Variants in SPTSSB observed in about 807,000 individuals in gnomAD.
SPTSSB encodes serine palmitoyltransferase small subunit B, also known as androgen down regulated in mouse prostate.
A neutral mutation model predicts 7.7 loss-of-function variants in SPTSSB; 6 were observed. That is an observed-to-expected ratio of 0.78 (90% CI 0.43 to 1.54). The LOEUF (loss-of-function observed/expected upper bound fraction) is 1.54, where lower values mean the gene tolerates loss of function less well. Among genes scored for constraint, SPTSSB ranks in the 40% most tolerant of loss-of-function variants. The pLI is 0.01. For missense variants in SPTSSB, 91 were observed against 93.0 expected (o/e 0.98, Z 0.09); for synonymous variants, 28 against 29.7 (o/e 0.94, Z 0.19).
At chr3:161,364,286 G>A (rs928914507) in intron 1 of SPTSSB, among the ~76,000 whole-genome samples, 1 of 152,154 alleles carries the variant, frequency 6.6e-6, no homozygotes, top group Non-Finnish European at 1.5e-5. Flanking sequence ...GGCATCACAT[G>A]CTTTCCTTCA....
intron 1 of SPTSSB, among the ~76,000 whole-genome samples, chr3:161,364,202 G>C (rs139922840): frequency 1.2e-4 from 19 of 152,110 alleles, no homozygotes; most frequent in African/African-American, 4.1e-4. Flanking sequence ...ATAATTTTGA[G>C]ACCAAAGGAA....
At chr3:161,354,937 G>A (rs873183) in intron 2 of SPTSSB, among the ~76,000 whole-genome samples, 7,145 of 152,256 alleles carry the variant, frequency 0.047, 244 homozygotes, top group African/African-American at 0.09. Flanking sequence ...TCTCAGTATT[G>A]TGTGGCTATC....
chr3:161,346,990 G>A (rs935980248), intron 2 of SPTSSB, among the ~76,000 whole-genome samples: 3 of 152,172 alleles, frequency 2.0e-5, no homozygotes, highest in African/African-American at 4.8e-5. Flanking sequence ...CAACCTCTGA[G>A]TTAGGGCAAT....
chr3:161,369,050 A>G (rs1367197023), intron 1 of SPTSSB, among the ~76,000 whole-genome samples: 2 of 152,220 alleles, frequency 1.3e-5, no homozygotes, highest in Non-Finnish European at 2.9e-5. Flanking sequence ...TTGAACGGAC[A>G]TAAGTTTTCA....
intron 1 of SPTSSB, 22 bp from the exon 2 acceptor site, chr3:161,359,916 T>A: frequency 7.3e-6 from 3 of 412,858 alleles, no homozygotes; most frequent in Non-Finnish European, 6.5e-6. Context: ...AGATTTGAAT[T>A]AAATAAACCA....
chr3:161,355,377 T>C (rs114800943), intron 2 of SPTSSB, among the ~76,000 whole-genome samples: 2,189 of 152,264 alleles, frequency 0.014, 59 homozygotes, highest in African/African-American at 0.05. Context: ...CCAAAAGTTG[T>C]TTTCTAAGTC....
intron 1 of SPTSSB, among the ~76,000 whole-genome samples, chr3:161,361,650 T>C (rs931646591): frequency 2.6e-5 from 4 of 152,200 alleles, no homozygotes; most frequent in Non-Finnish European, 5.9e-5. Flanking sequence ...GAAAGGTCCT[T>C]AGTGATGACT....
intron 1 of SPTSSB, among the ~76,000 whole-genome samples, chr3:161,369,579 G>A (rs1029234741): frequency 6.6e-6 from 1 of 151,560 alleles, no homozygotes; most frequent in African/African-American, 2.4e-5. Flanking sequence ...ACTTTTAAAT[G>A]AGTTGTGTTC....
intron 2 of SPTSSB, 70 bp downstream of exon 2, chr3:161,359,732 C>T (rs570772245): frequency 6.7e-5 from 66 of 985,202 alleles, no homozygotes; most frequent in Admixed American, 5.5e-4. Flanking sequence ...GTGTTAATGA[C>T]GCCATCTCAC....
At chr3:161,359,621 A>G in intron 2 of SPTSSB, 181 bp downstream of exon 2, 1 of 603,006 alleles carries the variant, frequency 1.7e-6, no homozygotes, top group South Asian at 7.3e-5. Flanking sequence ...CCAAATTACT[A>G]GAGCTAATTG....
In SPTSSB at chr3:161,346,217, G is replaced by C. The variant is rs765041016; in HGVS notation, c.107C>G (p.Thr36Ser). Residue 36 changes from threonine to serine, a missense_variant, in exon 3 of 3, where the codon ACC (threonine) becomes AGC (serine). Coordinates refer to ENST00000620149, the MANE Select transcript of SPTSSB (RefSeq NM_001040100.2). ...LEPWERSMFN[T>S]ILLTIIAMVV... Reference sequence around the variant, plus strand: ...CATAGCAATAATGGTTAGTAAGATGGTGTTAAACATAGATCGCTCCCAGGG... The same window carrying C: ...CATAGCAATAATGGTTAGTAAGATGCTGTTAAACATAGATCGCTCCCAGGG... 13 of 1,613,152 alleles carry C rather than the reference G, an allele frequency of 8.1e-6. No homozygotes were observed. Among genetic ancestry groups the C allele is most frequent in the Non-Finnish European group, 1.1e-5 (13 of 1,179,124 alleles).
rs145554351 is a variant in SPTSSB, at chr3:161,352,840, C to T, written c.-32-6485G>A. 4.6e-5 allele frequency among the ~76,000 whole-genome samples: 7 copies of T among 152,190 alleles called. No homozygotes were observed. In the East Asian group the frequency reaches 1.4e-3, roughly 29 times the overall value. On this transcript the variant is annotated intron_variant, in intron 2 of 2. Transcript: ENST00000620149. Reference sequence around the variant, plus strand: ...AATATATATAACAAATGCTTTTTTACTTTCTTATAATGTTAAAAGTTCATG... The same window carrying T: ...AATATATATAACAAATGCTTTTTTATTTTCTTATAATGTTAAAAGTTCATG...
intron 2 of SPTSSB, 80 bp downstream of exon 2, chr3:161,359,722 G>A: frequency 1.0e-6 from 1 of 985,238 alleles, no homozygotes; most frequent in South Asian, 4.7e-5. Context: ...AGAACTAGAT[G>A]TGTTAATGAC....
chr3:161,363,632 T>C (rs1320912787), intron 1 of SPTSSB, among the ~76,000 whole-genome samples: 1 of 152,090 alleles, frequency 6.6e-6, no homozygotes, highest in Admixed American at 6.5e-5. Flanking sequence ...TAAAAAACTT[T>C]GTATATTGTT....
intron 2 of SPTSSB, among the ~76,000 whole-genome samples, chr3:161,347,127 A>G (rs917039687): frequency 1.3e-5 from 2 of 152,192 alleles, no homozygotes; most frequent in South Asian, 2.1e-4. Flanking sequence ...TCCCTAGGGC[A>G]TTACTGTTTC....
At chr3:161,356,613 T>A (rs981550896) in intron 2 of SPTSSB, among the ~76,000 whole-genome samples, 1 of 152,216 alleles carries the variant, frequency 6.6e-6, no homozygotes, top group Non-Finnish European at 1.5e-5. Flanking sequence ...TACAACTTTT[T>A]AAAAAAACAT....
chr3:161,362,350 T>C (rs1358087421), intron 1 of SPTSSB, among the ~76,000 whole-genome samples: 1 of 152,110 alleles, frequency 6.6e-6, no homozygotes, highest in Non-Finnish European at 1.5e-5. Flanking sequence ...TTCAAATGCA[T>C]TGAGCTAAGG....
intron 2 of SPTSSB, among the ~76,000 whole-genome samples, chr3:161,353,085 C>A (rs1714617029): frequency 6.6e-6 from 1 of 152,026 alleles, no homozygotes; most frequent in South Asian, 2.1e-4. Flanking sequence ...TTATTTGTGT[C>A]TTTGGGTAAA....
chr3:161,368,470 A>C (rs1447989262), intron 1 of SPTSSB, among the ~76,000 whole-genome samples: 1 of 145,910 alleles, frequency 6.9e-6, no homozygotes, highest in East Asian at 2.0e-4. Context: ...TCTGTCGCCC[A>C]GGCTGGAGTG....
Sources: allele counts gnomAD v4.1 joint callset (sites outside exome capture counted in the v4.1 genomes callset), GRCh38; gene constraint gnomAD v4.1.1; transcripts MANE v1.5; gene names NCBI Gene and HGNC (gene_info 2026-07-23, HGNC 2026-07-21).